Variants in EPHA5 observed in about 807,000 individuals in gnomAD.
The protein encoded by EPHA5 is ephrin type-A receptor 5.
EPHA5 carries 60 observed loss-of-function variants against 105.0 expected under a neutral mutation model. That is an observed-to-expected ratio of 0.57 (90% CI 0.46 to 0.71). The LOEUF (loss-of-function observed/expected upper bound fraction) is 0.71, where lower values mean the gene tolerates loss of function less well. Ranked by LOEUF, EPHA5 falls within the 30% of genes least tolerant of loss-of-function variation. EPHA5 has a pLI of 0.00. For missense variants in EPHA5, 1,218 were observed against 1,274.7 expected (o/e 0.96, Z 0.68); for synonymous variants, 513 against 449.1 (o/e 1.14, Z -1.80).
chr4:65,639,136 A>G (rs1299001773), intron 2 of EPHA5, among the ~76,000 whole-genome samples: 1 of 152,238 alleles, frequency 6.6e-6, no homozygotes, highest in Non-Finnish European at 1.5e-5. Flanking sequence ...GAAATCAAAT[A>G]ATCAGTTTAT....
chr4:65,544,213 A>G (rs149146401), intron 3 of EPHA5, among the ~76,000 whole-genome samples: 3,394 of 152,202 alleles, frequency 0.022, 128 homozygotes, highest in African/African-American at 0.076. Context: ...AACAAAAGCC[A>G]AAATTGACAA....
At chr4:65,453,860 T>C (rs1727302784) in intron 5 of EPHA5, among the ~76,000 whole-genome samples, 1 of 152,170 alleles carries the variant, frequency 6.6e-6, no homozygotes, top group Non-Finnish European at 1.5e-5. Context: ...TTTATTTTCT[T>C]TCATTCCTGC....
chr4:65,322,552 C>G lies in EPHA5; in HGVS notation c.*1562G>C, dbSNP rs528561969. 5.8e-5 allele frequency: 13 copies of G among 224,752 alleles called. 1 individual carries two copies. In the South Asian group the frequency reaches 2.4e-3, roughly 41 times the overall value. The allele number at this position is 224,752 out of a possible 1,614,324, so 13.9% of individuals were successfully genotyped here. On this transcript the variant is annotated 3_prime_UTR_variant, in exon 17 of 17. Transcript: ENST00000613740. ...AATAATACAAAAATGTTGGTTATCTCAGGAGCTCAGTTTTGGACAATTTCT... is the reference window on the plus strand; with the variant it reads ...AATAATACAAAAATGTTGGTTATCTGAGGAGCTCAGTTTTGGACAATTTCT...
chr4:65,352,787 AT>A (rs3838635), intron 12 of EPHA5, among the ~76,000 whole-genome samples: 2,849 of 146,174 alleles, frequency 0.019, 114 homozygotes, highest in African/African-American at 0.069. Flanking sequence ...ACTTCTCTGC[AT>A]TTTTTTTTTC....
intron 5 of EPHA5, among the ~76,000 whole-genome samples, chr4:65,467,589 T>C (rs143079217): frequency 9.9e-5 from 15 of 152,276 alleles, no homozygotes; most frequent in African/African-American, 3.4e-4. Flanking sequence ...ACGAAAGCCA[T>C]CCTAAATCAG....
At chr4:65,565,267 T>G (rs1435539428) in intron 3 of EPHA5, among the ~76,000 whole-genome samples, 2 of 151,706 alleles carry the variant, frequency 1.3e-5, no homozygotes, top group African/African-American at 4.8e-5. Flanking sequence ...GCAGACTAAA[T>G]TTTATATTAT....
chr4:65,669,463 T>G (rs1272224753), intron 1 of EPHA5, 99 bp downstream of exon 1: 2 of 1,260,084 alleles, frequency 1.6e-6, no homozygotes, highest in Admixed American at 4.1e-5. Context: ...TGCGATTTAG[T>G]CTGCAGCAGC....
chr4:65,416,218 C>A (rs1425970107), intron 6 of EPHA5, among the ~76,000 whole-genome samples: 1 of 151,880 alleles, frequency 6.6e-6, no homozygotes, highest in African/African-American at 2.4e-5. Context: ...AAAGGATTAA[C>A]ATTTATAATA....
intron 5 of EPHA5, among the ~76,000 whole-genome samples, chr4:65,479,878 AAAAC>A (rs1249583750): frequency 6.6e-6 from 1 of 152,232 alleles, no homozygotes; most frequent in Non-Finnish European, 1.5e-5. Context: ...TACTTTATGA[AAAAC>A]AAACAACATA....
At chr4:65,625,844 A>G (rs4349650) in intron 2 of EPHA5, among the ~76,000 whole-genome samples, 132,564 of 152,184 alleles carry the variant, frequency 0.87, 58,068 homozygotes, top group Non-Finnish European at 0.91. Context: ...GGGCGCGGTG[A>G]CTCACGCTTG....
intron 5 of EPHA5, among the ~76,000 whole-genome samples, chr4:65,477,903 A>C (rs1486937831): frequency 6.6e-6 from 1 of 152,194 alleles, no homozygotes; most frequent in Non-Finnish European, 1.5e-5. Flanking sequence ...AAGGAACAGA[A>C]GGCCCTGACG....
chr4:65,377,121 G>C, intron 8 of EPHA5: 6 of 1,490,696 alleles, frequency 4.0e-6, no homozygotes, highest in Non-Finnish European at 5.4e-6. Context: ...CTCAAATATA[G>C]CATAAAGACA....
intron 5 of EPHA5, among the ~76,000 whole-genome samples, chr4:65,458,059 G>C (rs565346499): frequency 9.1e-6 from 1 of 109,892 alleles, no homozygotes; most frequent in Admixed American, 1.3e-4. Context: ...GGGTGACAGA[G>C]CGACACTCCA....
chr4:65,592,916 C>T (rs941621117), intron 3 of EPHA5, among the ~76,000 whole-genome samples: 2 of 152,110 alleles, frequency 1.3e-5, no homozygotes, highest in African/African-American at 4.8e-5. Flanking sequence ...CAATAATACA[C>T]ATCAGTAAGA....
intron 3 of EPHA5, among the ~76,000 whole-genome samples, chr4:65,548,155 A>AT (rs1737563939): frequency 7.5e-6 from 1 of 132,476 alleles, no homozygotes; most frequent in African/African-American, 2.9e-5. Context: ...ATCAAAATGG[A>AT]TATTAAATAA....
At chr4:65,547,298 G>GAAAAAAAAAAAA (rs71657184) in intron 3 of EPHA5, among the ~76,000 whole-genome samples, 1 of 139,454 alleles carries the variant, frequency 7.2e-6, no homozygotes. Context: ...AAGCCAAGTG[G>GAAAAAAAAAAAA]AAAAAAAAAA....
intron 14 of EPHA5, among the ~76,000 whole-genome samples, chr4:65,347,401 G>A (rs1175676761): frequency 6.6e-6 from 1 of 152,132 alleles, no homozygotes; most frequent in Non-Finnish European, 1.5e-5. Context: ...GAATAGTAAT[G>A]ATGGAAAATT....
At chr4:65,325,177 G>A (rs1284419338) in intron 16 of EPHA5, among the ~76,000 whole-genome samples, 1 of 151,240 alleles carries the variant, frequency 6.6e-6, no homozygotes, top group Non-Finnish European at 1.5e-5. Flanking sequence ...TGTGAAAAGT[G>A]GAATCTTTTT....
intron 5 of EPHA5, among the ~76,000 whole-genome samples, chr4:65,489,446 A>C (rs1254005657): frequency 6.6e-6 from 1 of 152,184 alleles, no homozygotes; most frequent in Non-Finnish European, 1.5e-5. Flanking sequence ...GCCCACCTGA[A>C]GTACTAAGGT....
Sources: allele counts gnomAD v4.1 joint callset (sites outside exome capture counted in the v4.1 genomes callset), GRCh38; gene constraint gnomAD v4.1.1; transcripts MANE v1.5; gene names NCBI Gene and HGNC (gene_info 2026-07-23, HGNC 2026-07-21).